Variants in SCPEP1 observed in about 807,000 individuals in gnomAD.
The protein encoded by SCPEP1 is serine carboxypeptidase 1, also known as retinoid-inducible serine carboxypeptidase.
SCPEP1 carries 51 observed loss-of-function variants against 63.8 expected under a neutral mutation model. The ratio of observed to expected loss-of-function variants is 0.80; its 90% confidence interval spans 0.64 to 1.01. SCPEP1 has a LOEUF of 1.01. Among genes scored for constraint, SCPEP1 ranks in the 50% least tolerant of loss-of-function variants. The probability of loss-of-function intolerance (pLI) is 0.00; values close to 1 mark genes in which losing one functional copy is unlikely to be tolerated. For synonymous variants in SCPEP1, 204 were observed against 207.8 expected (o/e 0.98, Z 0.16); for missense variants, 499 against 554.9 (o/e 0.90, Z 1.01).
intron 12 of SCPEP1, among the ~76,000 whole-genome samples, chr17:57,004,665 ATATACACCT>A (rs1911832757): frequency 6.6e-6 from 1 of 152,202 alleles, no homozygotes; most frequent in African/African-American, 2.4e-5. Context: ...TTTATGTTTC[ATATACACCT>A]TATACACATA....
intron 2 of SCPEP1, chr17:56,984,517 A>G (rs1359612198): frequency 6.6e-6 from 1 of 152,156 alleles, no homozygotes; most frequent in African/African-American, 2.4e-5. Context: ...AACTGCCCCC[A>G]ACACCGAGCT....
At chr17:56,999,035 G>A (rs758825270) in intron 10 of SCPEP1, among the ~76,000 whole-genome samples, 1 of 152,120 alleles carries the variant, frequency 6.6e-6, no homozygotes, top group African/African-American at 2.4e-5. Context: ...GAAATAATGT[G>A]TAATTGGTTG....
chr17:56,996,342 T>C (rs1911558815), intron 8 of SCPEP1, among the ~76,000 whole-genome samples: 1 of 148,544 alleles, frequency 6.7e-6, no homozygotes, highest in South Asian at 2.2e-4. Flanking sequence ...GTAGCTGAGA[T>C]AATTGGCACG....
intron 8 of SCPEP1, chr17:56,995,909 G>C (rs1256906353): frequency 4.9e-6 from 1 of 202,948 alleles, no homozygotes; most frequent in East Asian, 1.1e-4. Flanking sequence ...GTCTTGCAGA[G>C]GTGAGTGTGT....
chr17:56,999,590 A>T (rs1365957085), intron 10 of SCPEP1, among the ~76,000 whole-genome samples: 6 of 152,124 alleles, frequency 3.9e-5, no homozygotes, highest in Non-Finnish European at 8.8e-5. Context: ...TCCTCTCCCA[A>T]CCTGCAGTCA....
At position 56,994,969 on chromosome 17, in the gene SCPEP1, G is replaced by T; in HGVS notation, c.620-12G>T. 6.2e-6 allele frequency: 10 copies of T among 1,610,556 alleles called. No homozygotes were observed. The highest frequency in any genetic ancestry group is 1.7e-4 in the Middle Eastern group (1 of 6,044). ...TGACATACTTGATTTGTACATATGT[G>T]ATTTCCTTTAGATTCGGTGCTCTCC... On this transcript the variant is annotated splice_polypyrimidine_tract_variant and intron_variant, in intron 6 of 12. Transcript: ENST00000262288.
At chr17:57,004,600 A>G (rs992441563) in intron 12 of SCPEP1, among the ~76,000 whole-genome samples, 4 of 152,192 alleles carry the variant, frequency 2.6e-5, no homozygotes, top group Non-Finnish European at 5.9e-5. Context: ...GAATATTTGC[A>G]TATCCATAAT....
chr17:56,999,920 T>C (rs1377111313), intron 10 of SCPEP1, among the ~76,000 whole-genome samples: 1 of 150,112 alleles, frequency 6.7e-6, no homozygotes, highest in African/African-American at 2.5e-5. Flanking sequence ...AGGCAGAGAT[T>C]GCGGTGAGCC....
At chr17:56,999,582 C>T (rs1258019265) in intron 10 of SCPEP1, among the ~76,000 whole-genome samples, 1 of 152,192 alleles carries the variant, frequency 6.6e-6, no homozygotes, top group Non-Finnish European at 1.5e-5. Context: ...ATGGGCCCTC[C>T]TCTCCCAACC....
Position 57,006,464 on chromosome 17 carries a change from A to G in SCPEP1, c.*229A>G, listed in dbSNP as rs1911900819. 3 of 355,126 alleles carry G rather than the reference A, an allele frequency of 8.4e-6. No homozygotes were observed. The highest frequency in any genetic ancestry group is 1.5e-5 in the Non-Finnish European group (3 of 198,664). The allele number at this position is 355,126 out of a possible 1,614,324, so 22.0% of individuals were successfully genotyped here. A position where few individuals can be genotyped will look rare whatever the true frequency, so the allele number is the denominator to read the frequency against. On this transcript the variant is annotated 3_prime_UTR_variant, in exon 13 of 13. Transcript: ENST00000262288. The stretch of plus-strand genomic sequence containing the variant: ...TTTTTTAAAAAATTGATTTGTTTTG[A>G]TCAAAATAAAGGATGATAATAGATA...
rs1911523138 is a variant in SCPEP1, at chr17:56,995,578, G to A, written c.729G>A (p.Lys243=). 1.2e-6 allele frequency: 2 copies of A among 1,614,096 alleles called. No individual in the cohort carries two copies. Among genetic ancestry groups the A allele is most frequent in the African/African-American group, 2.7e-5 (2 of 75,026 alleles). Residue 243 remains lysine, a synonymous_variant, in exon 8 of 13, where the codon AAG becomes AAA. Transcript: ENST00000262288. ...VAEQVLNAVN[K]GLYREATELW... ...AGCAAGTACTGAATGCCGTAAATAA[G>A]GGGCTCTACAGAGAGGCCACAGAGC... is the stretch of plus-strand genomic sequence containing the variant.
chr17:56,985,562 G>T (rs779354014), intron 3 of SCPEP1, 95 bp downstream of exon 3: 12 of 913,174 alleles, frequency 1.3e-5, no homozygotes, highest in South Asian at 4.2e-5. Flanking sequence ...GCAATCCCTC[G>T]CTGTCCTTTT....
At chr17:57,004,304 GGATT>G (rs1215103212) in intron 12 of SCPEP1, among the ~76,000 whole-genome samples, 1 of 152,214 alleles carries the variant, frequency 6.6e-6, no homozygotes, top group African/African-American at 2.4e-5. Context: ...TGAGGTGGGA[GGATT>G]GATTGAGCCT....
chr17:57,000,929 C>T lies in SCPEP1; in HGVS notation c.1069C>T (p.Leu357=), dbSNP rs1480821239. The T allele has an allele frequency of 6.2e-7, 1 of 1,614,134 alleles. No individual in the cohort carries two copies. The part of the protein sequence containing the change: ...KPVISIVDEL[L]EAGINVTVYN... Reference sequence around the variant, plus strand: ...AGTCATTAGCATTGTGGACGAGTTGCTGGAGGCAGGGATCAACGTGACGGT... The same window carrying T: ...AGTCATTAGCATTGTGGACGAGTTGTTGGAGGCAGGGATCAACGTGACGGT... The change falls in exon 11 of 13, where the codon CTG becomes TTG. Residue 357 remains leucine (L), a synonymous_variant. Coordinates refer to ENST00000262288, the MANE Select transcript of SCPEP1 (RefSeq NM_021626.3).
At position 57,000,988 on chromosome 17, in the gene SCPEP1, C is replaced by G. The variant is rs139378442; in HGVS notation, c.1128C>G (p.Thr376=). Residue 376 remains threonine (T), a synonymous_variant, in exon 11 of 13, where the codon ACC becomes ACG. Transcript: ENST00000262288. ...GACAGCTGGATCTCATCGTAGATAC[C>G]ATGGGTAGGAATTGACTCTGAGAGG... ...YNGQLDLIVD[T]MGQEAWVRKL... 7 of 1,614,098 alleles carry G rather than the reference C, an allele frequency of 4.3e-6. No individual in the cohort carries two copies. In the South Asian group the frequency reaches 5.5e-5, roughly 13 times the overall value.
rs1303217038 is a variant in SCPEP1 at position 56,995,035 on chromosome 17, C to G, written c.657+17C>G. 2 of 1,608,756 alleles carry G rather than the reference C, an allele frequency of 1.2e-6. No homozygotes were observed. Among genetic ancestry groups the G allele is most frequent in the Non-Finnish European group, 1.7e-6 (2 of 1,175,218 alleles). ...TACAGCATGGTAAGTAGATACACATCTGCACCCTCTGGGCAAACAGCCCAG... is the reference window on the plus strand; with the variant it reads ...TACAGCATGGTAAGTAGATACACATGTGCACCCTCTGGGCAAACAGCCCAG... On this transcript the variant is annotated intron_variant, in intron 7 of 12. Transcript: ENST00000262288.
chr17:56,997,052 C>A lies in SCPEP1; in HGVS notation c.877C>A (p.Leu293Ile). The part of the protein sequence containing the change: ...ESSLEFTQSH[L>I]VCLCQRHVRH... ...GAGTCTAGAATTCACACAGAGCCAC[C>A]TAGGTGAGTGAACCTTGAAGTTATT... The change falls in exon 9 of 13, where the codon CTA becomes ATA. Residue 293 changes from leucine to isoleucine, a missense_variant. Physicochemically the swap from Leu to Ile is conservative, Grantham distance 5. Transcript: ENST00000262288. The A allele has an allele frequency of 6.3e-7, 1 of 1,581,350 alleles. No homozygotes were observed. Among genetic ancestry groups the A allele is most frequent in the Non-Finnish European group, 8.6e-7 (1 of 1,160,870 alleles).
chr17:56,980,956 G>C (rs1456927076), intron 1 of SCPEP1, 126 bp from the exon 2 acceptor site: 1 of 1,045,694 alleles, frequency 9.6e-7, no homozygotes. Flanking sequence ...CAATGTACTG[G>C]GGTGGCTAAA....
Position 56,991,146 on chromosome 17 carries a change from G to T in SCPEP1, c.594G>T (p.Leu198Phe). Residue 198 changes from leucine (L) to phenylalanine (F), a missense_variant, in exon 6 of 13, where the codon TTG (leucine) becomes TTT (phenylalanine). Leu to Phe is a conservative substitution (Grantham distance 22). Transcript: ENST00000262288. ...TIKCNFAGVA[L>F]GDSWISPVDS... ...AGTGCAACTTTGCGGGGGTTGCCTT[G>T]GGTGATTCCTGGATCTCCCCTGTTG... The T allele has an allele frequency of 6.2e-7, 1 of 1,613,976 alleles. No homozygotes were observed. The highest frequency in any genetic ancestry group is 8.5e-7 in the Non-Finnish European group (1 of 1,179,926).
Sources: gnomAD v4.1 joint callset for allele counts (sites outside exome capture counted in the v4.1 genomes callset) on GRCh38, gnomAD v4.1.1 for gene constraint, MANE v1.5 for transcripts, NCBI Gene and HGNC (gene_info 2026-07-23, HGNC 2026-07-21) for gene names.